The following GDAP1 variants were observed in gnomAD, a reference collection of about 807,000 sequenced individuals.
GDAP1 encodes the protein ganglioside induced differentiation associated protein 1.
Under a neutral mutation model 40.1 loss-of-function variants are expected in GDAP1, and 34 were observed. That is an observed-to-expected ratio of 0.85 (90% CI 0.64 to 1.13). The LOEUF is 1.13. GDAP1 is among the 50% of genes most tolerant of loss of function. GDAP1 has a pLI of 0.00. For missense variants in GDAP1, 374 were observed against 433.7 expected (o/e 0.86, Z 1.22); for synonymous variants, 170 against 157.4 (o/e 1.08, Z -0.60).
At chr8:74,420,297 A>G (rs984821907) in intron 2 of GDAP1, among the ~76,000 whole-genome samples, 5 of 152,186 alleles carry the variant, frequency 3.3e-5, no homozygotes, top group Admixed American at 1.3e-4. Flanking sequence ...TTGAGTATCA[A>G]CATAATAAAG....
intron 2 of GDAP1, among the ~76,000 whole-genome samples, chr8:74,383,949 A>G (rs1488356178): frequency 6.6e-6 from 1 of 152,144 alleles, no homozygotes; most frequent in Non-Finnish European, 1.5e-5. Flanking sequence ...TTTAAGTCTC[A>G]TGTTGTTACA....
chr8:74,483,007 A>C (rs1806731608), intron 2 of GDAP1, among the ~76,000 whole-genome samples: 1 of 152,164 alleles, frequency 6.6e-6, no homozygotes, highest in South Asian at 2.1e-4. Context: ...AACTTGAATA[A>C]GTTACTTAAC....
chr8:74,353,658 A>G (rs912883785), intron 2 of GDAP1, among the ~76,000 whole-genome samples: 2 of 152,182 alleles, frequency 1.3e-5, no homozygotes, highest in African/African-American at 2.4e-5. Context: ...CATCAGCAGC[A>G]TTGGTGTCAC....
intron 2 of GDAP1, among the ~76,000 whole-genome samples, chr8:74,427,950 A>G (rs1805969195): frequency 1.3e-5 from 2 of 152,226 alleles, no homozygotes; most frequent in South Asian, 2.1e-4. Flanking sequence ...ATCCTTGACA[A>G]TATCCAAGAA....
rs371138642 is a variant in GDAP1 at position 74,351,404 on chromosome 8, G to A, written c.248G>A (p.Gly83Glu). The change falls in exon 2 of 6, where the codon GGG becomes GAG. Residue 83 changes from glycine to glutamate, a missense_variant. Physicochemically the swap from Gly to Glu is moderately conservative, Grantham distance 98. Transcript: ENST00000220822. ...STGEVPVLIH[G>E]ENIICEATQI... ...GGAGAAGTGCCTGTCCTTATCCACG[G>A]GGAAAACATAATTTGTGAGGCCACT... 4 of 1,613,978 alleles carry A rather than the reference G, an allele frequency of 2.5e-6. No homozygotes were observed. Among genetic ancestry groups the A allele is most frequent in the East Asian group, 4.5e-5 (2 of 44,884 alleles).
At chr8:74,482,126 G>T (rs921712614) in intron 2 of GDAP1, among the ~76,000 whole-genome samples, 1 of 147,634 alleles carries the variant, frequency 6.8e-6, no homozygotes, top group Non-Finnish European at 1.5e-5. Flanking sequence ...TTTTGGGGGG[G>T]GGGGGTCATC....
rs1044805883 is a variant in GDAP1 at position 74,415,443 on chromosome 8, C to G, written c.165+64122C>G. Among the ~76,000 whole-genome samples the G allele has an allele frequency of 2.0e-5, 3 of 150,064 alleles. No individual in the cohort carries two copies. The East Asian group carries it at 5.8e-4, about 29-fold the overall frequency. On this transcript the variant is annotated intron_variant, in intron 2 of 2. Coordinates refer to the GDAP1 transcript ENST00000523640. ...TTCACCCTGAACTTTTTCCAAGAAG[C>G]AACACAGTAGCTTAACAGGACAACT...
chr8:74,440,011 G>A (rs981725812), intron 2 of GDAP1, among the ~76,000 whole-genome samples: 1 of 151,858 alleles, frequency 6.6e-6, no homozygotes, highest in Non-Finnish European at 1.5e-5. Context: ...AATAGCTATA[G>A]CATTTGGCAT....
rs1319554655 is a variant in GDAP1 at position 74,432,075 on chromosome 8, A to G, written c.166-56603A>G. On this transcript the variant is annotated intron_variant, in intron 2 of 2. Coordinates refer to the GDAP1 transcript ENST00000523640. The stretch of plus-strand genomic sequence containing the variant: ...ATTATTATTTTCTCTAAACTTTAAT[A>G]TATGAATACTGGAAGATAGAGGGTC... Among the ~76,000 whole-genome samples, 3 of 152,210 alleles carry G rather than the reference A, an allele frequency of 2.0e-5. No homozygotes were observed. The East Asian group carries it at 5.8e-4, about 29-fold the overall frequency.
chr8:74,382,787 CCT>C (rs1232881399), intron 2 of GDAP1, among the ~76,000 whole-genome samples: 5 of 151,342 alleles, frequency 3.3e-5, no homozygotes, highest in African/African-American at 1.2e-4. Flanking sequence ...CTTTTTTTTC[CCT>C]GAGTATGTAT....
chr8:74,386,018 C>T (rs1810020198), intron 2 of GDAP1, among the ~76,000 whole-genome samples: 1 of 152,050 alleles, frequency 6.6e-6, no homozygotes, highest in Non-Finnish European at 1.5e-5. Flanking sequence ...TATCCTTCAC[C>T]CACTTTTTGA....
intron 2 of GDAP1, among the ~76,000 whole-genome samples, chr8:74,476,798 C>G (rs1806635230): frequency 6.6e-6 from 1 of 152,050 alleles, no homozygotes; most frequent in African/African-American, 2.4e-5. Flanking sequence ...TGTGAGGGTT[C>G]TCTGAATTTT....
At chr8:74,482,530 A>C (rs545511592) in intron 2 of GDAP1, among the ~76,000 whole-genome samples, 1 of 152,336 alleles carries the variant, frequency 6.6e-6, no homozygotes, top group African/African-American at 2.4e-5. Context: ...ATGGTTAAAA[A>C]ATGAAAAAAA....
rs1809303639 is a variant in GDAP1 at position 74,360,301 on chromosome 8, A to G, written c.475A>G (p.Arg159Gly). 6.2e-7 allele frequency: 1 copy of G among 1,613,328 alleles called. No individual in the cohort carries two copies. ...CATGATCCCGGCTTATGCAACTACAAGGATTCGTAGTATGTAAACATTTTA... is the reference window on the plus strand; with the variant it reads ...CATGATCCCGGCTTATGCAACTACAGGGATTCGTAGTATGTAAACATTTTA... ...DSMIPAYATT[R>G]IRSQIGNTES... The change falls in exon 3 of 6, where the codon AGG becomes GGG. Residue 159 changes from arginine (R) to glycine (G), a missense_variant. Transcript: ENST00000220822.
chr8:74,355,014 ATC>A (rs374945956), intron 2 of GDAP1, among the ~76,000 whole-genome samples: 92 of 152,320 alleles, frequency 6.0e-4, no homozygotes, highest in Non-Finnish European at 1.0e-3. Context: ...TGACTTGCTG[ATC>A]TAGAAACATT....
At chr8:74,394,192 G>A (rs1563456376) in intron 2 of GDAP1, among the ~76,000 whole-genome samples, 1 of 152,166 alleles carries the variant, frequency 6.6e-6, no homozygotes, top group Non-Finnish European at 1.5e-5. Flanking sequence ...CTTGTGCAGG[G>A]AAACTCCCCT....
At chr8:74,363,118 G>C in intron 5 of GDAP1, 65 bp downstream of exon 5, 1 of 817,688 alleles carries the variant, frequency 1.2e-6, no homozygotes, top group South Asian at 1.4e-5. Context: ...AACATTCTTA[G>C]GTCTCACCAA....
intron 2 of GDAP1, among the ~76,000 whole-genome samples, chr8:74,426,481 A>G (rs1390432414): frequency 2.0e-5 from 3 of 152,246 alleles, no homozygotes; most frequent in South Asian, 2.1e-4. Flanking sequence ...TGTGTTTTCA[A>G]TGCTCTTGCT....
chr8:74,358,455 CT>C (rs1809205357), intron 2 of GDAP1, among the ~76,000 whole-genome samples: 1 of 152,296 alleles, frequency 6.6e-6, no homozygotes, highest in South Asian at 2.1e-4. Flanking sequence ...CTCTATACCC[CT>C]TTGTCTTTGA....
Sources: allele counts gnomAD v4.1 joint callset (sites outside exome capture counted in the v4.1 genomes callset), GRCh38; gene constraint gnomAD v4.1.1; transcripts MANE v1.5; gene names NCBI Gene and HGNC (gene_info 2026-07-23, HGNC 2026-07-21).